ESYT2: variants seen among roughly 807,000 people sequenced by gnomAD.
ESYT2 encodes extended synaptotagmin-2.
ESYT2 carries 54 observed loss-of-function variants against 107.2 expected under a neutral mutation model. The observed-to-expected ratio is 0.50, with a 90% CI of 0.40 to 0.63. ESYT2 has a LOEUF of 0.63. Among genes scored for constraint, ESYT2 ranks in the 30% least tolerant of loss-of-function variants. The pLI is 0.00. For missense variants in ESYT2, 1,020 were observed against 1,094.5 expected (o/e 0.93, Z 0.96); for synonymous variants, 491 against 434.1 (o/e 1.13, Z -1.63).
At chr7:158,806,933 T>C (rs190032961) in intron 1 of ESYT2, among the ~76,000 whole-genome samples, 59 of 152,318 alleles carry the variant, frequency 3.9e-4, no homozygotes, top group African/African-American at 1.4e-3. Flanking sequence ...TGGGCAATTG[T>C]AGCACTGAAT....
At chr7:158,785,471 A>C (rs76490351) in intron 6 of ESYT2, among the ~76,000 whole-genome samples, 3,731 of 137,544 alleles carry the variant, frequency 0.027, 143 homozygotes, top group African/African-American at 0.095. Context: ...ATAAATAAAT[A>C]AATCACCTCC....
Position 158,738,399 on chromosome 7 carries a change from C to T in ESYT2, c.2267+624G>A, listed in dbSNP as rs144860076. ...CACACTCTTCCTGCTCTAGGCTACA[C>T]ATTTGTACAGTATGCTACTGTGCTG... is the stretch of plus-strand genomic sequence containing the variant. On this transcript the variant is annotated intron_variant, in intron 19 of 22. Coordinates refer to ENST00000275418, the MANE Select transcript of ESYT2 (RefSeq NM_001367773.1). Among the ~76,000 whole-genome samples, 620 of 149,200 alleles carry T rather than the reference C, an allele frequency of 4.2e-3. 11 individuals are homozygous for T. Among genetic ancestry groups the T allele is most frequent in the African/African-American group, 0.014 (562 of 40,706 alleles).
At chr7:158,740,440 G>C (rs998476703) in intron 18 of ESYT2, among the ~76,000 whole-genome samples, 1 of 152,306 alleles carries the variant, frequency 6.6e-6, no homozygotes, top group East Asian at 1.9e-4. Flanking sequence ...TCAGCCCTGT[G>C]GTCCTTGTTA....
chr7:158,766,554 T>C (rs1838172095), intron 8 of ESYT2, among the ~76,000 whole-genome samples: 2 of 152,260 alleles, frequency 1.3e-5, no homozygotes, highest in African/African-American at 4.8e-5. Context: ...GCACCAAATT[T>C]ACTGGCATAT....
chr7:158,796,522 C>A (rs1441408955), intron 3 of ESYT2, among the ~76,000 whole-genome samples: 7 of 152,226 alleles, frequency 4.6e-5, no homozygotes, highest in Non-Finnish European at 4.4e-5. Flanking sequence ...CATGAATTCA[C>A]ATATCAAACT....
rs1836986972 is a variant in ESYT2, at chr7:158,737,113, CTT to C, written c.2332_2333del (p.Lys778GlufsTer20). The C allele has an allele frequency of 2.5e-6, 4 of 1,614,084 alleles. No homozygotes were observed. The highest frequency in any genetic ancestry group is 1.1e-5 in the South Asian group (1 of 91,074). On this transcript the variant is annotated frameshift_variant, in exon 20 of 23. Transcript: ENST00000275418. ...GTGTTTTCCTCCTTCCTGACCGCCT[CTT>C]GTCTGGTAATAAATACATGCGGACA... Reference protein sequence around the residue: ...PYVRMYLLPDKRRSGRRKTHV... With the variant: ...PYVRMYLLPDXRRSGRRKTHV...
intron 4 of ESYT2, among the ~76,000 whole-genome samples, chr7:158,791,377 G>C (rs1839287642): frequency 6.6e-6 from 1 of 152,172 alleles, no homozygotes; most frequent in African/African-American, 2.4e-5. Context: ...AAAAAATGCT[G>C]CTAAGAATGT....
intron 1 of ESYT2, among the ~76,000 whole-genome samples, chr7:158,814,953 C>T (rs1310515805): frequency 1.3e-5 from 2 of 152,182 alleles, no homozygotes. Context: ...GAGGAGAGAG[C>T]AGAGAATGCA....
chr7:158,814,013 G>A (rs773735140), intron 1 of ESYT2, among the ~76,000 whole-genome samples: 10 of 151,834 alleles, frequency 6.6e-5, no homozygotes, highest in Non-Finnish European at 1.5e-4. Context: ...GGTGGCTAAC[G>A]CTGTGATCCC....
intron 4 of ESYT2, among the ~76,000 whole-genome samples, chr7:158,790,030 A>C (rs73729996): frequency 8.6e-5 from 10 of 116,640 alleles, no homozygotes; most frequent in East Asian, 1.2e-3. Context: ...CAGTGGGGAG[A>C]GTCCTCCTGG....
chr7:158,793,259 C>G (rs1028857873), intron 4 of ESYT2, among the ~76,000 whole-genome samples: 1 of 152,062 alleles, frequency 6.6e-6, no homozygotes, highest in African/African-American at 2.4e-5. Context: ...GTTACATCGA[C>G]AAATTTTTGT....
intron 18 of ESYT2, among the ~76,000 whole-genome samples, chr7:158,740,699 TG>T (rs1407431779): frequency 6.6e-6 from 1 of 152,208 alleles, no homozygotes; most frequent in African/African-American, 2.4e-5. Flanking sequence ...TATTTCCTTC[TG>T]GAGCAAGAGA....
rs535295579 is a variant in ESYT2 at position 158,776,853 on chromosome 7, C to T, written c.748-3457G>A. Among the ~76,000 whole-genome samples the T allele has an allele frequency of 1.1e-4, 16 of 150,764 alleles. No homozygotes were observed. In the East Asian group the frequency reaches 1.2e-3, roughly 11 times the overall value. On this transcript the variant is annotated intron_variant, in intron 6 of 22. Transcript: ENST00000275418. ...CACTAAGCTTAATCATTTCTAGCTT[C>T]GCTTTTTTTTTTTTTTTGAGACAGA...
intron 6 of ESYT2, among the ~76,000 whole-genome samples, chr7:158,775,522 C>G (rs1043154280): frequency 6.6e-6 from 1 of 152,210 alleles, no homozygotes; most frequent in African/African-American, 2.4e-5. Flanking sequence ...TTTGCAGCAT[C>G]TTCACTAGGA....
intron 17 of ESYT2, 52 bp from the exon 18 acceptor site, chr7:158,741,948 C>T (rs763635022): frequency 6.6e-7 from 1 of 1,505,430 alleles, no homozygotes; most frequent in Non-Finnish European, 8.9e-7. Flanking sequence ...TGGTAACATC[C>T]TAATACTGGA....
intron 1 of ESYT2, among the ~76,000 whole-genome samples, chr7:158,828,400 C>T (rs1840517362): frequency 6.6e-6 from 1 of 152,266 alleles, no homozygotes; most frequent in Admixed American, 6.5e-5. Context: ...CCGCTCAGGC[C>T]CCTAAGGAGA....
At chr7:158,788,191 A>C (rs1361956287) in intron 5 of ESYT2, 98 bp from the exon 6 acceptor site, 45 of 1,200,048 alleles carry the variant, frequency 3.7e-5, no homozygotes, top group Non-Finnish European at 4.9e-6. Flanking sequence ...ACTTTTGAGC[A>C]TGTGACTTCT....
intron 1 of ESYT2, among the ~76,000 whole-genome samples, chr7:158,820,535 C>T (rs757265543): frequency 1.8e-4 from 28 of 152,146 alleles, no homozygotes; most frequent in Non-Finnish European, 2.8e-4. Flanking sequence ...GCCTGTATTC[C>T]CTCCCAGATC....
chr7:158,766,498 A>G (rs1838169411), intron 8 of ESYT2, among the ~76,000 whole-genome samples: 1 of 152,210 alleles, frequency 6.6e-6, no homozygotes, highest in Non-Finnish European at 1.5e-5. Context: ...TCTAATATAC[A>G]GCATCACATT....
Sources: allele counts gnomAD v4.1 joint callset (sites outside exome capture counted in the v4.1 genomes callset), GRCh38; gene constraint gnomAD v4.1.1; transcripts MANE v1.5; gene names NCBI Gene and HGNC (gene_info 2026-07-23, HGNC 2026-07-21).